Variants in SLC14A2 observed in about 807,000 individuals in gnomAD.
The protein encoded by SLC14A2 is solute carrier family 14 member 2.
Under a neutral mutation model 104.6 loss-of-function variants are expected in SLC14A2, and 91 were observed. The observed-to-expected ratio is 0.87, with a 90% CI of 0.73 to 1.04. SLC14A2 has a LOEUF of 1.04. Ranked by LOEUF, SLC14A2 falls within the 50% of genes least tolerant of loss-of-function variation. The pLI is 0.00. For missense variants in SLC14A2, 1,189 were observed against 1,156.0 expected (o/e 1.03, Z -0.41); for synonymous variants, 476 against 466.4 (o/e 1.02, Z -0.27).
chr18:45,638,905 G>A (rs1165144113), intron 6 of SLC14A2, among the ~76,000 whole-genome samples: 1 of 152,158 alleles, frequency 6.6e-6, no homozygotes, highest in African/African-American at 2.4e-5. Context: ...TGCTCTGCCT[G>A]CCCTGCCATT....
intron 1 of SLC14A2, among the ~76,000 whole-genome samples, chr18:45,355,942 A>G (rs192291109): frequency 6.6e-6 from 1 of 152,304 alleles, no homozygotes; most frequent in East Asian, 1.9e-4. Flanking sequence ...TGGGGAGACT[A>G]GAGGCAAAGA....
intron 1 of SLC14A2, among the ~76,000 whole-genome samples, chr18:45,338,696 A>AAACAAAC (rs1288234516): frequency 2.6e-4 from 30 of 116,326 alleles, no homozygotes; most frequent in African/African-American, 8.6e-4. Context: ...AAAAAAAAAA[A>AAACAAAC]AAAAAAAAAA....
At chr18:45,492,974 T>A (rs1196913155) in intron 2 of SLC14A2, 1 of 152,226 alleles carries the variant, frequency 6.6e-6, no homozygotes, top group Non-Finnish European at 1.5e-5. Flanking sequence ...TCTTTGAAAC[T>A]TTTTCGCCCT....
intron 2 of SLC14A2, among the ~76,000 whole-genome samples, chr18:45,569,257 C>T (rs751827939): frequency 2.0e-5 from 3 of 152,188 alleles, no homozygotes; most frequent in African/African-American, 4.8e-5. Context: ...GCCCTTCTCC[C>T]GTCTAAACCC....
intron 1 of SLC14A2, among the ~76,000 whole-genome samples, chr18:45,416,510 C>A (rs1483069468): frequency 6.6e-6 from 1 of 152,094 alleles, no homozygotes; most frequent in Non-Finnish European, 1.5e-5. Context: ...CTGAAATTAA[C>A]CATAATGCAT....
At chr18:45,630,335 A>G (rs772943128) in intron 4 of SLC14A2, among the ~76,000 whole-genome samples, 5 of 152,194 alleles carry the variant, frequency 3.3e-5, no homozygotes, top group Non-Finnish European at 5.9e-5. Context: ...ACACAGTTGC[A>G]TATTCTAAGC....
At chr18:45,618,997 G>A (rs1010650768) in intron 1 of SLC14A2, among the ~76,000 whole-genome samples, 1 of 152,196 alleles carries the variant, frequency 6.6e-6, no homozygotes, top group Non-Finnish European at 1.5e-5. Context: ...TAGAGCAGGA[G>A]CCACAGTTTT....
chr18:45,224,423 A>C (rs953958651), intron 1 of SLC14A2, among the ~76,000 whole-genome samples: 1 of 152,192 alleles, frequency 6.6e-6, no homozygotes, highest in African/African-American at 2.4e-5. Flanking sequence ...GCCCACAAGA[A>C]GCAGGTCAGG....
At chr18:45,283,815 T>C (rs1460942653) in intron 1 of SLC14A2, among the ~76,000 whole-genome samples, 1 of 152,190 alleles carries the variant, frequency 6.6e-6, no homozygotes, top group East Asian at 1.9e-4. Flanking sequence ...TCCCAGAGCC[T>C]GAAACCATGA....
intron 2 of SLC14A2, among the ~76,000 whole-genome samples, chr18:45,548,170 G>A (rs1215370047): frequency 6.6e-6 from 1 of 152,194 alleles, no homozygotes; most frequent in Non-Finnish European, 1.5e-5. Flanking sequence ...TCCAGTGGAA[G>A]TTCTTCAAAA....
At chr18:45,609,791 A>T (rs1213057503) in intron 2 of SLC14A2, among the ~76,000 whole-genome samples, 1 of 152,196 alleles carries the variant, frequency 6.6e-6, no homozygotes, top group Non-Finnish European at 1.5e-5. Flanking sequence ...TGTACCACCT[A>T]TAACTAGATT....
At chr18:45,257,866 G>A (rs2084496020) in intron 1 of SLC14A2, among the ~76,000 whole-genome samples, 1 of 152,108 alleles carries the variant, frequency 6.6e-6, no homozygotes, top group South Asian at 2.1e-4. Flanking sequence ...GTAAAAGGTG[G>A]CAATTATCAC....
intron 2 of SLC14A2, among the ~76,000 whole-genome samples, chr18:45,597,954 T>C (rs187001801): frequency 2.6e-5 from 4 of 152,250 alleles, no homozygotes; most frequent in Admixed American, 2.6e-4. Flanking sequence ...TGACAGTCCC[T>C]TGTACTGAGA....
intron 1 of SLC14A2, among the ~76,000 whole-genome samples, chr18:45,286,209 C>T (rs534995262): frequency 3.9e-5 from 6 of 152,294 alleles, no homozygotes; most frequent in African/African-American, 1.4e-4. Context: ...GCCCAGCCAC[C>T]TTTATTACTG....
At chr18:45,186,373 T>TC in the SLC14A2 span, among the ~76,000 whole-genome samples, 2 of 152,198 alleles carry the variant, frequency 1.3e-5, no homozygotes, top group African/African-American at 2.4e-5. Flanking sequence ...TGGCTTTTTT[T>TC]CCATATATGG....
chr18:45,388,756 C>T lies in SLC14A2; in HGVS notation c.-124-94477C>T, dbSNP rs2085929317. Among the ~76,000 whole-genome samples the T allele has an allele frequency of 2.6e-5, 4 of 152,120 alleles. No homozygotes were observed. In the South Asian group the frequency reaches 8.3e-4, roughly 32 times the overall value. On this transcript the variant is annotated intron_variant, in intron 1 of 20. Coordinates refer to the SLC14A2 transcript ENST00000586448. Reference sequence around the variant, plus strand: ...CTTGCATGAAGAAGAGGTACAAACTCTTCACAAGCTCCTCAATGTGACCTA... The same window carrying T: ...CTTGCATGAAGAAGAGGTACAAACTTTTCACAAGCTCCTCAATGTGACCTA...
intron 2 of SLC14A2, among the ~76,000 whole-genome samples, chr18:45,585,364 T>C (rs1446683844): frequency 1.3e-5 from 2 of 152,314 alleles, no homozygotes; most frequent in Admixed American, 1.3e-4. Flanking sequence ...CTCTAGAATA[T>C]AATCTCCATA....
chr18:45,494,802 C>T (rs189986762), intron 2 of SLC14A2, among the ~76,000 whole-genome samples: 36 of 152,052 alleles, frequency 2.4e-4, no homozygotes. Flanking sequence ...TCAGTCTGTC[C>T]ACTCCCCTCT....
At chr18:45,300,896 C>A (rs1269796809) in intron 1 of SLC14A2, among the ~76,000 whole-genome samples, 1 of 152,204 alleles carries the variant, frequency 6.6e-6, no homozygotes, top group Non-Finnish European at 1.5e-5. Context: ...TCCCCGGGAG[C>A]TGGCAGCCTG....
Sources: allele counts gnomAD v4.1 joint callset (sites outside exome capture counted in the v4.1 genomes callset), GRCh38; gene constraint gnomAD v4.1.1; transcripts MANE v1.5; gene names NCBI Gene and HGNC (gene_info 2026-07-23, HGNC 2026-07-21).